The following LNX1 variants were observed in gnomAD, a reference collection of about 807,000 sequenced individuals.
LNX1 encodes ligand of numb-protein X 1, also known as E3 ubiquitin-protein ligase LNX.
LNX1 carries 54 observed loss-of-function variants against 68.4 expected under a neutral mutation model. That is an observed-to-expected ratio of 0.79 (90% CI 0.63 to 0.99). The LOEUF (loss-of-function observed/expected upper bound fraction) is 0.99, where lower values mean the gene tolerates loss of function less well. Ranked by LOEUF, LNX1 falls within the 50% of genes least tolerant of loss-of-function variation. LNX1 has a pLI of 0.00. For missense variants in LNX1, 906 were observed against 926.4 expected (o/e 0.98, Z 0.29); for synonymous variants, 336 against 350.0 (o/e 0.96, Z 0.45).
chr4:53,524,356 T>G (rs1235451534), intron 2 of LNX1: 1 of 152,040 alleles, frequency 6.6e-6, no homozygotes, highest in Non-Finnish European at 1.5e-5. Context: ...AGGTAACAAA[T>G]GTTTGTTGAG....
At chr4:53,563,183 G>A (rs1412607126) in intron 2 of LNX1, among the ~76,000 whole-genome samples, 14 of 152,146 alleles carry the variant, frequency 9.2e-5, no homozygotes, top group Non-Finnish European at 2.9e-5. Context: ...GCGACAGAGT[G>A]AGATTCCAAC....
At chr4:53,527,050 C>CTA (rs1727662460) in intron 2 of LNX1, among the ~76,000 whole-genome samples, 1 of 20,588 alleles carries the variant, frequency 4.9e-5, no homozygotes, top group Non-Finnish European at 1.6e-4. Context: ...TTCCCTGCCC[C>CTA]TAAAAAAAAA....
intron 2 of LNX1, among the ~76,000 whole-genome samples, chr4:53,565,075 G>A (rs962913274): frequency 9.2e-5 from 14 of 151,900 alleles, no homozygotes; most frequent in Non-Finnish European, 1.3e-4. Flanking sequence ...TGGGGGAGGG[G>A]CGCCTACCAT....
At chr4:53,570,077 T>C (rs1187670481) in intron 2 of LNX1, among the ~76,000 whole-genome samples, 1 of 151,484 alleles carries the variant, frequency 6.6e-6, no homozygotes, top group African/African-American at 2.4e-5. Flanking sequence ...GACTGTAAAC[T>C]AGTTCAACCA....
chr4:53,648,773 C>CAAA (rs1157214053), intron 1 of LNX1, among the ~76,000 whole-genome samples: 1 of 152,124 alleles, frequency 6.6e-6, no homozygotes, highest in South Asian at 2.1e-4. Flanking sequence ...AGAACAGTTT[C>CAAA]AAAAACTCCC....
intron 2 of LNX1, among the ~76,000 whole-genome samples, chr4:53,610,835 T>G (rs928281031): frequency 6.7e-6 from 1 of 149,696 alleles, no homozygotes; most frequent in Non-Finnish European, 1.5e-5. Context: ...AAATAAGTAA[T>G]AGGATATATA....
intron 1 of LNX1, among the ~76,000 whole-genome samples, chr4:53,586,018 C>T (rs1460360390): frequency 6.6e-6 from 1 of 152,068 alleles, no homozygotes; most frequent in Non-Finnish European, 1.5e-5. Context: ...TAGATTGCTA[C>T]ATATTTAGCA....
intron 3 of LNX1, among the ~76,000 whole-genome samples, chr4:53,507,757 T>C (rs1726010912): frequency 6.6e-6 from 1 of 152,198 alleles, no homozygotes. Flanking sequence ...GATGAATCAT[T>C]AGGTCTAGTT....
intron 2 of LNX1, chr4:53,557,738 G>T: frequency 2.0e-6 from 2 of 976,516 alleles, no homozygotes; most frequent in Non-Finnish European, 2.9e-6. Flanking sequence ...TTAAACTGCT[G>T]GCAGGGTGCT....
intron 1 of LNX1, among the ~76,000 whole-genome samples, chr4:53,645,151 T>G (rs1378246371): frequency 1.3e-5 from 2 of 151,894 alleles, no homozygotes; most frequent in Non-Finnish European, 2.9e-5. Context: ...GGGGCAGGAG[T>G]GTAACCTAAA....
At chr4:53,472,383 T>C (rs1439648984) in intron 9 of LNX1, among the ~76,000 whole-genome samples, 1 of 152,032 alleles carries the variant, frequency 6.6e-6, no homozygotes, top group African/African-American at 2.4e-5. Flanking sequence ...ATATACCTAA[T>C]GCTAAATGAC....
intron 6 of LNX1, among the ~76,000 whole-genome samples, chr4:53,491,806 T>TTG (rs1724700481): frequency 2.0e-5 from 3 of 149,968 alleles, no homozygotes; most frequent in African/African-American, 7.3e-5. Flanking sequence ...TTTTTGTTTG[T>TTG]TTGTTTTTTG....
At chr4:53,643,381 C>T (rs1056538663) in intron 1 of LNX1, among the ~76,000 whole-genome samples, 4 of 152,068 alleles carry the variant, frequency 2.6e-5, no homozygotes, top group African/African-American at 9.7e-5. Flanking sequence ...AACTCCCGGG[C>T]TCAAGTGATC....
At chr4:53,558,126 C>T (rs568728374) in intron 2 of LNX1, 53 of 1,430,054 alleles carry the variant, frequency 3.7e-5, no homozygotes, top group African/African-American at 2.0e-4. Flanking sequence ...TAATAAATCA[C>T]GGGCCCGTAA....
At chr4:53,499,034 A>G (rs1307901683) in intron 4 of LNX1, among the ~76,000 whole-genome samples, 191 bp from the exon 5 acceptor site, 1 of 151,868 alleles carries the variant, frequency 6.6e-6, no homozygotes, top group Non-Finnish European at 1.5e-5. Context: ...CTTAAACCCA[A>G]TTTTTCCTTC....
chr4:53,611,188 C>A (rs1733480847), intron 2 of LNX1, among the ~76,000 whole-genome samples: 1 of 151,732 alleles, frequency 6.6e-6, no homozygotes, highest in African/African-American at 2.4e-5. Context: ...ATACCATTAG[C>A]TTTTTTGTAC....
intron 2 of LNX1, among the ~76,000 whole-genome samples, chr4:53,530,201 C>T (rs115370757): frequency 0.04 from 6,155 of 152,102 alleles, 154 homozygotes; most frequent in Middle Eastern, 0.071. Context: ...CCCAAACATT[C>T]GTTAAGATTA....
At chr4:53,512,258 T>A (rs4864772) in intron 2 of LNX1, among the ~76,000 whole-genome samples, 146,062 of 152,182 alleles carry the variant, frequency 0.96, 70,386 homozygotes, top group East Asian at 1. Flanking sequence ...ATCTCTTGAT[T>A]TTTTAGATGG....
intron 2 of LNX1, among the ~76,000 whole-genome samples, chr4:53,601,824 G>T (rs534377561): frequency 6.6e-6 from 1 of 152,104 alleles, no homozygotes; most frequent in Admixed American, 6.5e-5. Context: ...CATGCCAGGG[G>T]TCACTGCAGG....
Sources: gnomAD v4.1 joint callset for allele counts (sites outside exome capture counted in the v4.1 genomes callset) on GRCh38, gnomAD v4.1.1 for gene constraint, MANE v1.5 for transcripts, NCBI Gene and HGNC (gene_info 2026-07-23, HGNC 2026-07-21) for gene names.